Variants in TXNRD2 observed in about 807,000 individuals in gnomAD.
TXNRD2 encodes thioredoxin reductase 2, also known as thioredoxin reductase 2, mitochondrial.
In TXNRD2, 67 loss-of-function variants were observed where a neutral mutation model predicts 70.8. The observed-to-expected ratio is 0.95, with a 90% CI of 0.78 to 1.16. The LOEUF (loss-of-function observed/expected upper bound fraction) is 1.16. Among genes scored for constraint, TXNRD2 ranks in the 50% most tolerant of loss-of-function variants. The pLI, the probability that TXNRD2 is intolerant of heterozygous loss-of-function variation, is 0.00. For synonymous variants in TXNRD2, 301 were observed against 295.8 expected, an observed-to-expected ratio of 1.02 and a Z score of -0.18; for missense variants, 644 against 719.9, an observed-to-expected ratio of 0.89 and a Z score of 1.21.
chr22:19,937,678 G>A (rs1483644360), intron 1 of TXNRD2, among the ~76,000 whole-genome samples: 1 of 152,128 alleles, frequency 6.6e-6, no homozygotes, highest in African/African-American at 2.4e-5. Flanking sequence ...TATAATTGTG[G>A]CCAACTTGGT....
chr22:19,889,298 G>A (rs576190461), intron 11 of TXNRD2, among the ~76,000 whole-genome samples: 1 of 152,356 alleles, frequency 6.6e-6, no homozygotes, highest in South Asian at 2.1e-4. Flanking sequence ...GCTCTGTGGC[G>A]AGTGGTCATT....
rs1037946408 is a variant in TXNRD2 at position 19,892,076 on chromosome 22, C to T, written c.949+3331G>A. The stretch of plus-strand genomic sequence containing the variant: ...TGCACCGGGCACGGAGGCATCCCCC[C>T]TTCCTGTCGGAGCCCAGCTTGTGCG... On this transcript the variant is annotated intron_variant, in intron 11 of 17. Coordinates refer to ENST00000400521, the MANE Select transcript of TXNRD2 (RefSeq NM_006440.5). 2.6e-5 allele frequency among the ~76,000 whole-genome samples: 4 copies of T among 152,370 alleles called. No homozygotes were observed. The East Asian group carries it at 5.8e-4, about 22-fold the overall frequency.
At chr22:19,909,154 C>T (rs894275573) in intron 8 of TXNRD2, among the ~76,000 whole-genome samples, 7 of 148,006 alleles carry the variant, frequency 4.7e-5, no homozygotes, top group Middle Eastern at 3.5e-3. Context: ...TGCAGTGAGC[C>T]GAGATCGCAC....
Position 19,878,114 on chromosome 22 carries a change from G to A in TXNRD2, c.1421C>T (p.Thr474Ile), listed in dbSNP as rs1166480670. The A allele has an allele frequency of 6.2e-7, 1 of 1,613,548 alleles. No individual in the cohort carries two copies. Among genetic ancestry groups the A allele is most frequent in the African/African-American group, 1.3e-5 (1 of 75,060 alleles). The change falls in exon 16 of 18, where the codon ACT becomes ATT. Residue 474 changes from threonine (T) to isoleucine (I), a missense_variant. By Grantham distance (89) the Thr-to-Ile change is moderately conservative. Around this residue, in one of 3 missense-constraint regions of TXNRD2, gnomAD observed 566 missense variants for 645.0 expected, o/e 0.88. Transcript: ENST00000400521. ...HFLGPNAGEV[T>I]QGFALGIKCG... The stretch of plus-strand genomic sequence containing the variant: ...CTTGATCCCCAGAGCAAATCCTTGA[G>A]TAACTTCGCCTGCGTTGGGGCCAAG...
intron 8 of TXNRD2, among the ~76,000 whole-genome samples, chr22:19,910,574 G>C (rs1440077108): frequency 2.6e-5 from 4 of 152,192 alleles, no homozygotes; most frequent in South Asian, 2.1e-4. Context: ...CCACAGGACA[G>C]AGTAAATCAA....
At chr22:19,934,222 G>C (rs1303913136) in intron 1 of TXNRD2, among the ~76,000 whole-genome samples, 2 of 152,044 alleles carry the variant, frequency 1.3e-5, no homozygotes, top group Non-Finnish European at 2.9e-5. Context: ...GGACAGTTCA[G>C]GTCTTCCTAC....
chr22:19,910,788 T>C (rs1940371755), intron 8 of TXNRD2: 1 of 187,058 alleles, frequency 5.3e-6, no homozygotes, highest in South Asian at 9.9e-5. Context: ...TTTCAGATTT[T>C]TGTAGGCTGG....
At chr22:19,898,501 G>A (rs544123813) in intron 9 of TXNRD2, among the ~76,000 whole-genome samples, 5 of 148,384 alleles carry the variant, frequency 3.4e-5, no homozygotes, top group East Asian at 4.0e-4. Context: ...CTCAGCCAGC[G>A]GCTTGGGGCT....
At chr22:19,928,626 G>C (rs530374255) in intron 2 of TXNRD2, among the ~76,000 whole-genome samples, 2 of 152,318 alleles carry the variant, frequency 1.3e-5, no homozygotes, top group Admixed American at 1.3e-4. Context: ...TATGGGCTGA[G>C]CCATATCCCC....
At position 19,895,579 on chromosome 22, in the gene TXNRD2, T is replaced by A. The variant is rs769374064; in HGVS notation, c.777A>T (p.Gln259His). 1 of 1,610,814 alleles carries A rather than the reference T, an allele frequency of 6.2e-7. No individual in the cohort carries two copies. Among genetic ancestry groups the A allele is most frequent in the Non-Finnish European group, 8.5e-7 (1 of 1,180,006 alleles). The change falls in exon 11 of 18, where the codon CAA becomes CAT. Residue 259 changes from glutamine to histidine, a missense_variant and splice_region_variant. Around this residue, in one of 3 missense-constraint regions of TXNRD2, gnomAD observed 566 missense variants for 645.0 expected, o/e 0.88. Transcript: ENST00000400521. Reference protein sequence around the residue: ...RSIPLRGFDQQMSSMVIEHMA... With the variant: ...RSIPLRGFDQHMSSMVIEHMA... ...TGTGCTCTATGACCATGGAGGACAT[T>A]TGCTGCAAAGCACAAGAAGACAGGC... is the stretch of plus-strand genomic sequence containing the variant.
rs1194743410 is a variant in TXNRD2 at position 19,877,231 on chromosome 22, A to G, written c.1449T>C (p.Cys483=). 10 of 1,609,034 alleles carry G rather than the reference A, an allele frequency of 6.2e-6. No individual in the cohort carries two copies. Among genetic ancestry groups the G allele is most frequent in the African/African-American group, 1.3e-5 (1 of 74,786 alleles). Residue 483 remains cysteine (C), a synonymous_variant, in exon 17 of 18, where the codon TGT becomes TGC. Transcript: ENST00000400521. The part of the protein sequence containing the change: ...VTQGFALGIK[C]GASYAQVMRT... ...GCATCACCTGCGCATAGGAAGCCCC[A>G]CACCTGCACATGGGGGATGGGGGAG... is the stretch of plus-strand genomic sequence containing the variant.
chr22:19,876,972 C>T (rs969530872), intron 17 of TXNRD2, 68 bp downstream of exon 17: 11 of 1,181,066 alleles, frequency 9.3e-6, no homozygotes, highest in Non-Finnish European at 1.3e-5. Flanking sequence ...GGAGGGAGCC[C>T]ATGGCCAGGG....
At chr22:19,878,259 C>A (rs1938599872) in intron 15 of TXNRD2, 72 bp from the exon 16 acceptor site, 1 of 1,595,128 alleles carries the variant, frequency 6.3e-7, no homozygotes, top group Admixed American at 1.7e-5. Context: ...CCACCCTGCA[C>A]CCTGCCTGGG....
At chr22:19,908,654 T>A (rs942013062) in intron 8 of TXNRD2, among the ~76,000 whole-genome samples, 4 of 152,052 alleles carry the variant, frequency 2.6e-5, no homozygotes, top group African/African-American at 7.2e-5. Flanking sequence ...AACTGAAAGG[T>A]CTTCAAGAGG....
chr22:19,911,472 G>A (rs766756843), intron 7 of TXNRD2, 25 bp from the exon 8 acceptor site: 1 of 1,594,146 alleles, frequency 6.3e-7, no homozygotes, highest in Non-Finnish European at 8.6e-7. Context: ...ATGACCCCTT[G>A]GACAAGAGCT....
At chr22:19,940,176 C>T (rs1020122160) in intron 1 of TXNRD2, among the ~76,000 whole-genome samples, 31 of 133,398 alleles carry the variant, frequency 2.3e-4, no homozygotes, top group African/African-American at 8.4e-4. Context: ...ACCCGGGAGG[C>T]GGAGCTTGCA....
intron 6 of TXNRD2, 114 bp from the exon 7 acceptor site, chr22:19,915,390 C>G: frequency 2.7e-6 from 3 of 1,099,582 alleles, no homozygotes; most frequent in Non-Finnish European, 2.7e-6. Flanking sequence ...TGCCCTGTAG[C>G]GTGGACCCTT....
chr22:19,924,044 G>C (rs1236617141), intron 2 of TXNRD2, among the ~76,000 whole-genome samples: 1 of 151,216 alleles, frequency 6.6e-6, no homozygotes, highest in Non-Finnish European at 1.5e-5. Flanking sequence ...TGTTGCCCAG[G>C]CACTGGTGTG....
intron 1 of TXNRD2, among the ~76,000 whole-genome samples, chr22:19,941,272 C>T (rs570804799): frequency 6.6e-6 from 1 of 152,242 alleles, no homozygotes; most frequent in African/African-American, 2.4e-5. Context: ...TCAGGGGCTC[C>T]AGGAGGACGA....
Sources: gnomAD v4.1 joint callset for allele counts (sites outside exome capture counted in the v4.1 genomes callset) on GRCh38, gnomAD v4.1.1 for gene constraint, gnomAD v4.1.1 regional missense constraint, MANE v1.5 for transcripts, NCBI Gene and HGNC (gene_info 2026-07-23, HGNC 2026-07-21) for gene names.